Variants in EIF3H observed in about 807,000 individuals in gnomAD.
EIF3H encodes eIF-3-gamma.
Under a neutral mutation model 44.2 loss-of-function variants are expected in EIF3H, and 26 were observed. The observed-to-expected ratio is 0.59, with a 90% CI of 0.43 to 0.82. EIF3H has a LOEUF of 0.82. EIF3H is among the 40% of genes least tolerant of loss of function. EIF3H has a pLI of 0.00. For synonymous variants in EIF3H, 166 were observed against 151.9 expected (o/e 1.09, Z -0.68); for missense variants, 359 against 432.8 (o/e 0.83, Z 1.51).
intron 1 of EIF3H, among the ~76,000 whole-genome samples, chr8:116,748,690 G>A (rs1025344732): frequency 1.3e-5 from 2 of 152,182 alleles, no homozygotes; most frequent in Non-Finnish European, 2.9e-5. Context: ...ATATTCTAGT[G>A]TGAAGAAATA....
chr8:116,764,587 A>G (rs1815549203), intron 1 of EIF3H, among the ~76,000 whole-genome samples: 1 of 152,238 alleles, frequency 6.6e-6, no homozygotes, highest in Admixed American at 6.5e-5. Flanking sequence ...AGAAATGGGC[A>G]TTTTAAACAA....
At chr8:116,755,594 A>T in intron 1 of EIF3H, 72 bp downstream of exon 1, 1 of 1,597,664 alleles carries the variant, frequency 6.3e-7, no homozygotes, top group Non-Finnish European at 8.5e-7. Context: ...GAATGCTAGA[A>T]AGTACGTCTG....
chr8:116,672,533 G>A (rs969344262), intron 2 of EIF3H, among the ~76,000 whole-genome samples: 3 of 152,046 alleles, frequency 2.0e-5, no homozygotes, highest in Non-Finnish European at 4.4e-5. Flanking sequence ...AGGAGAACGA[G>A]GTGGAAGGAT....
chr8:116,745,069 C>T (rs527252480), intron 1 of EIF3H, among the ~76,000 whole-genome samples: 1 of 152,298 alleles, frequency 6.6e-6, no homozygotes, highest in Admixed American at 6.5e-5. Flanking sequence ...CCAGTTGAAG[C>T]AAAAGGTGAC....
chr8:116,662,226 G>A (rs182907963), intron 2 of EIF3H, among the ~76,000 whole-genome samples: 9 of 152,230 alleles, frequency 5.9e-5, no homozygotes, highest in Admixed American at 5.2e-4. Flanking sequence ...TCTCTATCTT[G>A]GTTTGGACTT....
At chr8:116,654,088 G>A (rs1309520538) in intron 5 of EIF3H, among the ~76,000 whole-genome samples, 1 of 152,156 alleles carries the variant, frequency 6.6e-6, no homozygotes, top group African/African-American at 2.4e-5. Flanking sequence ...TGGTCGATTT[G>A]GTTCAATGTA....
chr8:116,691,689 A>C (rs1814176925), intron 2 of EIF3H, among the ~76,000 whole-genome samples: 1 of 152,294 alleles, frequency 6.6e-6, no homozygotes, highest in Admixed American at 6.5e-5. Context: ...AGCCTGGACA[A>C]CATGGCGAAA....
intron 1 of EIF3H, among the ~76,000 whole-genome samples, chr8:116,741,850 C>A (rs1021632792): frequency 9.9e-5 from 15 of 152,194 alleles, no homozygotes; most frequent in African/African-American, 2.7e-4. Flanking sequence ...GTGAACTTGG[C>A]AGTTTTCTTA....
intron 2 of EIF3H, among the ~76,000 whole-genome samples, chr8:116,677,999 C>G (rs950560807): frequency 1.3e-5 from 2 of 152,204 alleles, no homozygotes; most frequent in Admixed American, 6.5e-5. Flanking sequence ...GCCCTCTCCC[C>G]CTTCCCACGG....
chr8:116,752,872 A>T (rs1484661842), intron 1 of EIF3H, among the ~76,000 whole-genome samples: 1 of 151,722 alleles, frequency 6.6e-6, no homozygotes, highest in East Asian at 1.9e-4. Context: ...GAGAGAAGAG[A>T]AGAGTTTAAG....
At chr8:116,752,187 G>A (rs1815355033) in intron 1 of EIF3H, among the ~76,000 whole-genome samples, 1 of 152,160 alleles carries the variant, frequency 6.6e-6, no homozygotes, top group Admixed American at 6.5e-5. Flanking sequence ...TAGGGATAGT[G>A]GCAATCATTT....
At chr8:116,727,305 A>T (rs1563654601) in intron 1 of EIF3H, among the ~76,000 whole-genome samples, 1 of 152,214 alleles carries the variant, frequency 6.6e-6, no homozygotes, top group Non-Finnish European at 1.5e-5. Flanking sequence ...GGAAAGGATA[A>T]ATCTTCAGAC....
chr8:116,727,065 T>G (rs1031266543), intron 1 of EIF3H, among the ~76,000 whole-genome samples: 1 of 152,150 alleles, frequency 6.6e-6, no homozygotes, highest in Non-Finnish European at 1.5e-5. Context: ...AAATGACAAT[T>G]TATTTGTACG....
chr8:116,744,138 G>A (rs1020342492), intron 1 of EIF3H, among the ~76,000 whole-genome samples: 1 of 151,410 alleles, frequency 6.6e-6, no homozygotes, highest in Non-Finnish European at 1.5e-5. Context: ...CATGACTTGG[G>A]TAGACAGTGG....
chr8:116,679,429 T>C (rs1329622271), intron 2 of EIF3H, among the ~76,000 whole-genome samples: 86 of 40,978 alleles, frequency 2.1e-3, no homozygotes, highest in African/African-American at 4.3e-3. Context: ...GCCCCCCGCC[T>C]GGCCAGCCGC....
chr8:116,689,170 C>G lies in EIF3H; in HGVS notation c.290-30190G>C, dbSNP rs1340252330. 10 of 424,574 alleles carry G rather than the reference C, an allele frequency of 2.4e-5. No homozygotes were observed. The East Asian group carries it at 7.0e-4, about 30-fold the overall frequency. 26.3% of individuals were successfully genotyped at this position (424,574 alleles called of 1,614,324 possible). A position where few individuals can be genotyped will look rare whatever the true frequency, so the allele number is the denominator to read the frequency against. ...AAAAGATCATTTTAGTGAAATAAGT[C>G]AGAGACAAAAGGACAAATATTGTAT... On this transcript the variant is annotated intron_variant, in intron 2 of 7. Coordinates refer to ENST00000521861, the MANE Select transcript of EIF3H (RefSeq NM_003756.3).
upstream of EIF3H, among the ~76,000 whole-genome samples, chr8:116,759,510 C>T (rs1048487760): frequency 6.6e-6 from 1 of 152,226 alleles, no homozygotes; most frequent in Non-Finnish European, 1.5e-5. Flanking sequence ...GCTGCTTTCC[C>T]TCACTTGGCT....
At chr8:116,746,767 T>C (rs1815245185) in intron 1 of EIF3H, among the ~76,000 whole-genome samples, 1 of 152,148 alleles carries the variant, frequency 6.6e-6, no homozygotes, top group Non-Finnish European at 1.5e-5. Context: ...GCAAAAAATA[T>C]AACTAAGCAA....
chr8:116,751,180 C>A (rs1815332833), intron 1 of EIF3H, among the ~76,000 whole-genome samples: 1 of 151,362 alleles, frequency 6.6e-6, no homozygotes, highest in Admixed American at 6.6e-5. Context: ...CCACTGCACT[C>A]CAGCCTGGGC....
Sources: gnomAD v4.1 joint callset for allele counts (sites outside exome capture counted in the v4.1 genomes callset) on GRCh38, gnomAD v4.1.1 for gene constraint, MANE v1.5 for transcripts, NCBI Gene and HGNC (gene_info 2026-07-23, HGNC 2026-07-21) for gene names.